DMD: variants seen among roughly 807,000 people sequenced by gnomAD.
DMD encodes the protein mutant dystrophin.
Under a neutral mutation model 330.1 loss-of-function variants are expected in DMD, and 63 were observed. The ratio of observed to expected loss-of-function variants is 0.19; its 90% CI spans 0.16 to 0.24. The LOEUF (loss-of-function observed/expected upper bound fraction) is 0.24, where lower values mean the gene tolerates loss of function less well. DMD is among the 10% of genes least tolerant of loss of function. The pLI is 1.00. For missense variants in DMD, 3,344 were observed against 2,684.1 expected, an observed-to-expected ratio of 1.25 and a Z score of -5.43; for synonymous variants, 1,223 against 959.8, an observed-to-expected ratio of 1.27 and a Z score of -5.07.
Position 32,919,681 on chromosome X carries a change from T to C in DMD, c.94-69861A>G, listed in dbSNP as rs191177588. ...ACATTCCAATTCCTATTTCCTAGGT[T>C]CCCTATTCTAATCATCTACTTTTCT... On this transcript the variant is annotated intron_variant, in intron 2 of 78. Coordinates refer to ENST00000357033, the MANE Select transcript of DMD (RefSeq NM_004006.3). Among the ~76,000 whole-genome samples, 48 of 112,013 alleles carry C rather than the reference T, an allele frequency of 4.3e-4. 1 individual carries two copies. The East Asian group carries it at 0.013, about 29-fold the overall frequency.
At chrX:32,413,248 C>T (rs964343868) in intron 29 of DMD, among the ~76,000 whole-genome samples, 3 of 110,977 alleles carry the variant, frequency 2.7e-5, no homozygotes, top group African/African-American at 9.8e-5. Context: ...GAATATTCTG[C>T]AACCACCAAA....
At chrX:32,731,260 T>C (rs745939399) in intron 7 of DMD, among the ~76,000 whole-genome samples, 3 of 112,420 alleles carry the variant, frequency 2.7e-5, no homozygotes, top group South Asian at 3.7e-4. Context: ...CGGAGGGTCC[T>C]ACCCCAACGG....
chrX:31,139,936 A>C (rs2035835921), intron 76 of DMD, among the ~76,000 whole-genome samples: 1 of 112,678 alleles, frequency 8.9e-6, no homozygotes, highest in South Asian at 3.7e-4. Context: ...GGTCCAAATA[A>C]ATCACTGAAA....
At chrX:32,030,011 G>A (rs979742133) in intron 44 of DMD, among the ~76,000 whole-genome samples, 4 of 111,835 alleles carry the variant, frequency 3.6e-5, no homozygotes, top group South Asian at 7.4e-4. Context: ...ATAAATCCAC[G>A]TCTCAGAATT....
chrX:31,656,954 T>C (rs1006534702), intron 54 of DMD, among the ~76,000 whole-genome samples: 3 of 111,626 alleles, frequency 2.7e-5, no homozygotes, highest in African/African-American at 9.8e-5. Flanking sequence ...CAGGAGTTTT[T>C]ACTCTCTAAT....
At chrX:32,859,497 ACACACACACACAC>A (rs1178713746) in intron 2 of DMD, among the ~76,000 whole-genome samples, 2 of 87,513 alleles carry the variant, frequency 2.3e-5, no homozygotes, top group African/African-American at 1.0e-4. Flanking sequence ...ACACACACAC[ACACACACACACAC>A]AAGTTAAAGT....
intron 2 of DMD, among the ~76,000 whole-genome samples, chrX:33,002,995 A>G (rs186623913): frequency 9.1e-6 from 1 of 110,126 alleles, no homozygotes; most frequent in African/African-American, 3.3e-5. Context: ...AAAATTTTAA[A>G]TTTTTTTATT....
chrX:32,280,133 T>TTATATATACAGTATATATA (rs1557261250), intron 43 of DMD, among the ~76,000 whole-genome samples: 51 of 92,337 alleles, frequency 5.5e-4, no homozygotes, highest in African/African-American at 2.1e-3. Context: ...ATATGTGTGT[T>TTATATATACAGTATATATA]TATATATACA....
At chrX:32,071,520 A>AG (rs1276500738) in intron 44 of DMD, among the ~76,000 whole-genome samples, 1 of 26,558 alleles carries the variant, frequency 3.8e-5, no homozygotes, top group Non-Finnish European at 6.6e-5. Flanking sequence ...GGGTGGGGGG[A>AG]GGGGGGAGGG....
At chrX:31,359,948 G>A (rs1320722834) in intron 60 of DMD, among the ~76,000 whole-genome samples, 16 of 112,041 alleles carry the variant, frequency 1.4e-4, no homozygotes, top group Non-Finnish European at 3.0e-4. Flanking sequence ...CAGAGTATCT[G>A]GATGAAATTA....
At chrX:32,852,527 C>CT (rs949322881) in intron 2 of DMD, among the ~76,000 whole-genome samples, 1 of 110,956 alleles carries the variant, frequency 9.0e-6, no homozygotes, top group African/African-American at 3.3e-5. Flanking sequence ...ATAGAGTGGA[C>CT]TTTGTCTTGC....
intron 61 of DMD, among the ~76,000 whole-genome samples, chrX:31,326,840 C>G (rs909323846): frequency 8.9e-5 from 10 of 111,823 alleles, no homozygotes; most frequent in African/African-American, 3.3e-4. Context: ...TGTGGCAGTG[C>G]TCACAAGTGT....
intron 33 of DMD, among the ~76,000 whole-genome samples, chrX:32,383,803 A>T (rs1217784532): frequency 1.8e-5 from 2 of 110,373 alleles, no homozygotes; most frequent in Non-Finnish European, 3.8e-5. Flanking sequence ...AATAATAATC[A>T]ACTCAGGGCA....
chrX:32,335,461 GTA>G (rs1444817196), intron 41 of DMD, among the ~76,000 whole-genome samples: 1 of 102,368 alleles, frequency 9.8e-6, no homozygotes, highest in Non-Finnish European at 2.0e-5. Context: ...GTATATACAT[GTA>G]TATATAACAT....
At chrX:32,331,932 A>G (rs1432187858) in intron 41 of DMD, among the ~76,000 whole-genome samples, 1 of 111,619 alleles carries the variant, frequency 9.0e-6, no homozygotes, top group African/African-American at 3.2e-5. Flanking sequence ...GGAAAACACA[A>G]AATCCTATGT....
chrX:32,764,690 G>A (rs184092324), intron 7 of DMD, among the ~76,000 whole-genome samples: 1 of 111,921 alleles, frequency 8.9e-6, no homozygotes, highest in Non-Finnish European at 1.9e-5. Flanking sequence ...TTCATCTTCA[G>A]ATGGACATTT....
intron 44 of DMD, among the ~76,000 whole-genome samples, chrX:32,205,035 A>C (rs61554446): frequency 0.029 from 2,517 of 86,436 alleles, 111 homozygotes; most frequent in African/African-American, 0.11. Context: ...ACACACACAC[A>C]CACACACCCA....
chrX:32,343,345 T>C, intron 39 of DMD, 59 bp from the exon 40 acceptor site: 4 of 1,031,619 alleles, frequency 3.9e-6, no homozygotes, highest in Non-Finnish European at 4.0e-6. Flanking sequence ...CACTTCTGGC[T>C]GCAGTTATTT....
chrX:32,082,424 C>CTATA (rs2096400195), intron 44 of DMD, among the ~76,000 whole-genome samples: 1 of 108,376 alleles, frequency 9.2e-6, no homozygotes, highest in African/African-American at 3.3e-5. Flanking sequence ...ATCTATCTAT[C>CTATA]TATCTATCTA....
Sources: allele counts gnomAD v4.1 joint callset (sites outside exome capture counted in the v4.1 genomes callset), GRCh38; gene constraint gnomAD v4.1.1; transcripts MANE v1.5; gene names NCBI Gene and HGNC (gene_info 2026-07-23, HGNC 2026-07-21).